The following SORCS1 variants were observed in gnomAD, a reference collection of about 807,000 sequenced individuals.
The protein encoded by SORCS1 is VPS10 domain-containing receptor SorCS1.
A neutral mutation model predicts 146.1 loss-of-function variants in SORCS1; 60 were observed. The observed-to-expected ratio is 0.41, with a 90% CI of 0.33 to 0.51. SORCS1 has a LOEUF of 0.51. Among genes scored for constraint, SORCS1 ranks in the 20% least tolerant of loss-of-function variants. The pLI is 0.21. For missense variants in SORCS1, 1,352 were observed against 1,487.6 expected, an observed-to-expected ratio of 0.91 and a Z score of 1.50; for synonymous variants, 637 against 584.0, an observed-to-expected ratio of 1.09 and a Z score of -1.31.
chr10:107,045,683 GA>G (rs201245666), intron 1 of SORCS1, among the ~76,000 whole-genome samples: 3,014 of 150,958 alleles, frequency 0.02, 37 homozygotes, highest in Non-Finnish European at 0.028. Flanking sequence ...TTAAAGTCAG[GA>G]AAAAAAATTT....
At chr10:106,659,049 T>C (rs1175250945) in intron 17 of SORCS1, among the ~76,000 whole-genome samples, 7 of 152,330 alleles carry the variant, frequency 4.6e-5, no homozygotes, top group Non-Finnish European at 7.3e-5. Flanking sequence ...TGACAAAGTA[T>C]GCTCAGGAGT....
intron 2 of SORCS1, among the ~76,000 whole-genome samples, chr10:106,945,672 G>A (rs1164572613): frequency 6.6e-6 from 1 of 152,120 alleles, no homozygotes; most frequent in Non-Finnish European, 1.5e-5. Flanking sequence ...AAAATTTTTT[G>A]CCTTTGCTTT....
chr10:107,051,657 T>C (rs1457857104), intron 1 of SORCS1, among the ~76,000 whole-genome samples: 7 of 152,170 alleles, frequency 4.6e-5, no homozygotes, highest in Non-Finnish European at 7.4e-5. Context: ...GAATGATTTT[T>C]AGTGTTATGA....
chr10:107,125,345 T>C (rs1315860255), intron 1 of SORCS1, among the ~76,000 whole-genome samples: 2 of 152,184 alleles, frequency 1.3e-5, no homozygotes, highest in Non-Finnish European at 2.9e-5. Flanking sequence ...TTTCAAGGAT[T>C]ATAATGATAT....
intron 3 of SORCS1, among the ~76,000 whole-genome samples, chr10:106,826,693 G>A (rs377314292): frequency 5.3e-5 from 8 of 152,178 alleles, no homozygotes; most frequent in African/African-American, 1.9e-4. Flanking sequence ...GACGTTCATC[G>A]TCCTCCAATA....
intron 23 of SORCS1, among the ~76,000 whole-genome samples, chr10:106,602,222 T>G (rs1370308364): frequency 2.0e-5 from 3 of 152,102 alleles, no homozygotes; most frequent in African/African-American, 7.2e-5. Context: ...AATACGAATA[T>G]TTATTCTGAA....
At chr10:106,858,294 T>G (rs1949868891) in intron 2 of SORCS1, among the ~76,000 whole-genome samples, 1 of 152,124 alleles carries the variant, frequency 6.6e-6, no homozygotes, top group South Asian at 2.1e-4. Context: ...TCTTGATGTT[T>G]CTAGTCATAC....
chr10:106,822,575 G>A (rs1360430816), intron 3 of SORCS1, among the ~76,000 whole-genome samples: 3 of 152,086 alleles, frequency 2.0e-5, no homozygotes, highest in African/African-American at 7.2e-5. Flanking sequence ...TATTTTTAAT[G>A]TTCAGGAAGA....
chr10:106,843,503 C>G (rs1481032773), intron 2 of SORCS1, among the ~76,000 whole-genome samples: 2 of 143,520 alleles, frequency 1.4e-5, no homozygotes, highest in African/African-American at 5.2e-5. Flanking sequence ...GCGATCTCGG[C>G]TCACTGCAAG....
At chr10:106,627,454 G>A (rs1399307665) in intron 19 of SORCS1, among the ~76,000 whole-genome samples, 1 of 152,142 alleles carries the variant, frequency 6.6e-6, no homozygotes. Flanking sequence ...GCCATTCTTG[G>A]CAAATGTGCT....
chr10:106,654,831 C>T (rs1850155174), intron 17 of SORCS1, among the ~76,000 whole-genome samples: 1 of 152,032 alleles, frequency 6.6e-6, no homozygotes, highest in African/African-American at 2.4e-5. Context: ...TATGCCTAAG[C>T]AATTTGAACA....
In SORCS1 at chr10:106,862,413, C is replaced by G. The variant is rs1950050607; in HGVS notation, c.627-32740G>C. On this transcript the variant is annotated intron_variant, in intron 2 of 25. Coordinates refer to ENST00000263054, the MANE Select transcript of SORCS1 (RefSeq NM_052918.5). Reference sequence around the variant, plus strand: ...ATATCACCATTTATTTTGTCCCTACCCATTACTTTGAGGAAACCTAAAAAT... The same window carrying G: ...ATATCACCATTTATTTTGTCCCTACGCATTACTTTGAGGAAACCTAAAAAT... 2.0e-5 allele frequency among the ~76,000 whole-genome samples: 3 copies of G among 152,000 alleles called. No individual in the cohort carries two copies. The South Asian group carries it at 6.2e-4, about 32-fold the overall frequency.
intron 2 of SORCS1, among the ~76,000 whole-genome samples, chr10:106,884,336 C>G (rs558583072): frequency 6.6e-6 from 1 of 152,268 alleles, no homozygotes; most frequent in South Asian, 2.1e-4. Flanking sequence ...AAGCTATAAC[C>G]ACCTTTCTCT....
At chr10:107,111,576 G>C (rs2134457344) in intron 1 of SORCS1, among the ~76,000 whole-genome samples, 1 of 152,074 alleles carries the variant, frequency 6.6e-6, no homozygotes, top group South Asian at 2.1e-4. Flanking sequence ...GGGACCTATG[G>C]GACAAAAATC....
chr10:106,612,216 C>T (rs573715551), intron 21 of SORCS1, among the ~76,000 whole-genome samples, 193 bp from the exon 22 acceptor site: 4 of 151,738 alleles, frequency 2.6e-5, no homozygotes, highest in South Asian at 2.1e-4. Context: ...TTTTAAGGAG[C>T]GGAGAGTTTA....
At chr10:106,840,601 C>T (rs1027812787) in intron 2 of SORCS1, among the ~76,000 whole-genome samples, 5 of 151,978 alleles carry the variant, frequency 3.3e-5, no homozygotes, top group Non-Finnish European at 7.4e-5. Flanking sequence ...AGAGAATGAA[C>T]TCCAATTTTC....
At chr10:106,788,857 G>T (rs745441296) in intron 3 of SORCS1, among the ~76,000 whole-genome samples, 1 of 152,218 alleles carries the variant, frequency 6.6e-6, no homozygotes, top group Non-Finnish European at 1.5e-5. Flanking sequence ...CAGTGCCCCA[G>T]TGGGCACTCT....
chr10:106,706,770 G>T, intron 7 of SORCS1, 136 bp from the exon 8 acceptor site: 1 of 757,844 alleles, frequency 1.3e-6, no homozygotes, highest in Non-Finnish European at 2.2e-6. Flanking sequence ...CAAGTGTAAA[G>T]AATTGGCCTT....
rs561802374 is a variant in SORCS1, at chr10:107,130,251, A to T, written c.558+33718T>A. ...CTTATGTAGAAGCAGAGGAAAATTT[A>T]AAAAAAATAGGTTTCTCATCTTATG... On this transcript the variant is annotated intron_variant, in intron 1 of 25. Coordinates refer to ENST00000263054, the MANE Select transcript of SORCS1 (RefSeq NM_052918.5). Among the ~76,000 whole-genome samples the T allele has an allele frequency of 2.4e-3, 369 of 152,102 alleles. 1 individual carries two copies. Among genetic ancestry groups the T allele is most frequent in the African/African-American group, 3.5e-3 (145 of 41,460 alleles).
Sources: gnomAD v4.1 joint callset for allele counts (sites outside exome capture counted in the v4.1 genomes callset) on GRCh38, gnomAD v4.1.1 for gene constraint, MANE v1.5 for transcripts, NCBI Gene and HGNC (gene_info 2026-07-23, HGNC 2026-07-21) for gene names.